The following ELF2 variants were observed in gnomAD, a reference collection of about 807,000 sequenced individuals.
ELF2 encodes the protein E74 like ETS transcription factor 2, also known as ETS-related transcription factor Elf-2.
In ELF2, 11 loss-of-function variants were observed where a neutral mutation model predicts 54.8. The ratio of observed to expected loss-of-function variants is 0.20; its 90% confidence interval spans 0.13 to 0.33. The LOEUF is 0.33. Ranked by LOEUF, ELF2 falls within the 10% of genes least tolerant of loss-of-function variation. The pLI is 1.00. For missense variants in ELF2, 513 were observed against 703.0 expected (o/e 0.73, Z 3.06); for synonymous variants, 203 against 245.1 (o/e 0.83, Z 1.61).
At chr4:139,114,597 A>ACACACACACACACACAC (rs1370544863) in intron 4 of ELF2, among the ~76,000 whole-genome samples, 20 of 145,726 alleles carry the variant, frequency 1.4e-4, no homozygotes, top group East Asian at 6.1e-4. Context: ...ACACACACAC[A>ACACACACACACACACAC]ATTTAGGAGC....
At chr4:139,147,092 A>G (rs892479452) in intron 1 of ELF2, among the ~76,000 whole-genome samples, 2 of 152,208 alleles carry the variant, frequency 1.3e-5, no homozygotes, top group African/African-American at 4.8e-5. Flanking sequence ...TCATCAGAGT[A>G]AAGAGACAAC....
At chr4:139,172,750 CTTA>C (rs771787091) in intron 1 of ELF2, among the ~76,000 whole-genome samples, 1 of 151,802 alleles carries the variant, frequency 6.6e-6, no homozygotes, top group Admixed American at 6.6e-5. Flanking sequence ...TTTTTAATCT[CTTA>C]TTATGTCTGA....
At chr4:139,077,718 C>T (rs1203852587) in intron 4 of ELF2, among the ~76,000 whole-genome samples, 3 of 152,096 alleles carry the variant, frequency 2.0e-5, no homozygotes, top group Non-Finnish European at 4.4e-5. Context: ...TAATTTTGCA[C>T]ATTTAAGAAT....
intron 4 of ELF2, among the ~76,000 whole-genome samples, chr4:139,124,431 A>G (rs1736701746): frequency 6.6e-6 from 1 of 152,216 alleles, no homozygotes; most frequent in Non-Finnish European, 1.5e-5. Flanking sequence ...ATGTATCAAA[A>G]TAGTAAAGAA....
At chr4:139,104,747 G>C (rs1193397281) in intron 4 of ELF2, among the ~76,000 whole-genome samples, 1 of 152,070 alleles carries the variant, frequency 6.6e-6, no homozygotes, top group Non-Finnish European at 1.5e-5. Context: ...TGAGATTTAG[G>C]AATACTTAAT....
chr4:139,084,384 G>A, intron 4 of ELF2: 3 of 1,450,748 alleles, frequency 2.1e-6, no homozygotes, highest in Non-Finnish European at 2.7e-6. Flanking sequence ...GCCTCCCGCC[G>A]CCGGGCTGAG....
At chr4:139,092,419 A>AACAT (rs1322654474) in intron 4 of ELF2, among the ~76,000 whole-genome samples, 20 of 109,806 alleles carry the variant, frequency 1.8e-4, no homozygotes, top group East Asian at 1.4e-3. Context: ...TAACATACAT[A>AACAT]ACATAACATA....
At chr4:139,082,408 T>C (rs546331385) in intron 4 of ELF2, among the ~76,000 whole-genome samples, 3 of 152,328 alleles carry the variant, frequency 2.0e-5, no homozygotes, top group African/African-American at 7.2e-5. Context: ...TAAACTTAAG[T>C]TCTTGTTCTG....
intron 1 of ELF2, among the ~76,000 whole-genome samples, chr4:139,145,060 CT>C (rs1218289729): frequency 1.3e-5 from 2 of 152,256 alleles, no homozygotes; most frequent in Non-Finnish European, 1.5e-5. Flanking sequence ...GCACCACCTC[CT>C]GGCTGGAGGC....
intron 2 of ELF2, 89 bp downstream of exon 2, chr4:139,139,321 AAAT>A (rs567360233): frequency 2.5e-4 from 168 of 662,174 alleles, no homozygotes; most frequent in South Asian, 1.5e-3. Flanking sequence ...TAAGAAGAAA[AAAT>A]AATAAAATTC....
chr4:139,134,912 AAT>A (rs1463147192), intron 3 of ELF2, among the ~76,000 whole-genome samples: 1 of 151,832 alleles, frequency 6.6e-6, no homozygotes, highest in Non-Finnish European at 1.5e-5. Context: ...TGAATTTTTA[AAT>A]ATATGACTAC....
chr4:139,166,131 T>C (rs548275945), intron 1 of ELF2, among the ~76,000 whole-genome samples: 1 of 151,674 alleles, frequency 6.6e-6, no homozygotes, highest in South Asian at 2.1e-4. Context: ...TGAGGTCAGG[T>C]GTTCGAGACC....
intron 1 of ELF2, among the ~76,000 whole-genome samples, chr4:139,156,032 C>A (rs557436980): frequency 6.6e-6 from 1 of 152,314 alleles, no homozygotes; most frequent in South Asian, 2.1e-4. Flanking sequence ...AGTGATATAA[C>A]TTGCCAATCA....
intron 4 of ELF2, among the ~76,000 whole-genome samples, chr4:139,075,725 G>A (rs908142828): frequency 1.3e-5 from 2 of 152,182 alleles, no homozygotes; most frequent in African/African-American, 4.8e-5. Context: ...CATCACGCCA[G>A]GCAGGTATTT....
intron 4 of ELF2, among the ~76,000 whole-genome samples, chr4:139,092,291 G>A (rs557780365): frequency 1.1e-3 from 167 of 151,718 alleles, no homozygotes; most frequent in African/African-American, 3.9e-3. Flanking sequence ...AACCCGGGAG[G>A]CAGAGGTTGA....
In ELF2 at chr4:139,137,887, GAA is replaced by G. The variant is rs1328990020; in HGVS notation, c.-166-22_-166-21del. 8 of 1,289,874 alleles carry G rather than the reference GAA, an allele frequency of 6.2e-6. No homozygotes were observed. Among genetic ancestry groups the G allele is most frequent in the African/African-American group, 1.5e-5 (1 of 65,808 alleles). 79.9% of individuals were successfully genotyped at this position (1,289,874 alleles called of 1,614,324 possible). A position where few individuals can be genotyped will look rare whatever the true frequency, so the allele number is the denominator to read the frequency against. ...GAAAGCCTAAAAAGAGGAAGAATTTGAAAAGTTATTTTAAAAATTACAGGAAG... is the reference window on the plus strand; with the variant it reads ...GAAAGCCTAAAAAGAGGAAGAATTTGAAGTTATTTTAAAAATTACAGGAAG... On this transcript the variant is annotated intron_variant, in intron 2 of 9. Coordinates refer to ENST00000686138, the MANE Select transcript of ELF2 (RefSeq NM_001331036.3).
chr4:139,134,199 T>G (rs908636986), intron 3 of ELF2, among the ~76,000 whole-genome samples: 10 of 152,188 alleles, frequency 6.6e-5, no homozygotes, highest in African/African-American at 2.4e-4. Context: ...ATGGGTTTTC[T>G]GTAACTGCTG....
At chr4:139,153,874 C>T (rs569783759) in intron 1 of ELF2, among the ~76,000 whole-genome samples, 1 of 152,118 alleles carries the variant, frequency 6.6e-6, no homozygotes, top group Non-Finnish European at 1.5e-5. Flanking sequence ...TCAGTCTACC[C>T]CCTCCTTTTC....
intron 4 of ELF2, among the ~76,000 whole-genome samples, chr4:139,117,494 G>T (rs1188047714): frequency 2.6e-5 from 4 of 151,534 alleles, no homozygotes; most frequent in Non-Finnish European, 5.9e-5. Context: ...AGGAGTTCGA[G>T]ATCAGCCTGT....
Sources: gnomAD v4.1 joint callset for allele counts (sites outside exome capture counted in the v4.1 genomes callset) on GRCh38, gnomAD v4.1.1 for gene constraint, MANE v1.5 for transcripts, NCBI Gene and HGNC (gene_info 2026-07-23, HGNC 2026-07-21) for gene names.